The following TMPRSS15 variants were observed in gnomAD, a reference collection of about 807,000 sequenced individuals.
TMPRSS15 encodes enteropeptidase.
In TMPRSS15, 128 loss-of-function variants were observed where a neutral mutation model predicts 125.3. That is an observed-to-expected ratio of 1.02 (90% CI 0.89 to 1.18). The LOEUF (loss-of-function observed/expected upper bound fraction) is 1.18, where lower values mean the gene tolerates loss of function less well. TMPRSS15 is among the 50% of genes most tolerant of loss of function. The pLI is 0.00. For missense variants in TMPRSS15, 1,283 were observed against 1,212.7 expected (o/e 1.06, Z -0.86); for synonymous variants, 446 against 423.2 (o/e 1.05, Z -0.66).
chr21:18,359,577 A>G (rs369233284), intron 8 of TMPRSS15, among the ~76,000 whole-genome samples, 180 bp downstream of exon 8: 11 of 152,144 alleles, frequency 7.2e-5, no homozygotes, highest in African/African-American at 2.6e-4. Flanking sequence ...CTGCTTTATT[A>G]TGAAGACCAC....
chr21:18,454,355 C>T (rs992251976), intron 1 of TMPRSS15, among the ~76,000 whole-genome samples: 17 of 151,908 alleles, frequency 1.1e-4, no homozygotes, highest in South Asian at 6.2e-4. Flanking sequence ...TCTTTTGCCC[C>T]GAAGCCATTT....
intron 18 of TMPRSS15, among the ~76,000 whole-genome samples, chr21:18,300,406 A>G (rs1406439661): frequency 2.1e-5 from 3 of 145,512 alleles, no homozygotes; most frequent in African/African-American, 7.7e-5. Flanking sequence ...CAGTGGCTCA[A>G]TCTCGACTCA....
chr21:18,380,429 A>G, intron 4 of TMPRSS15: 1 of 400,704 alleles, frequency 2.5e-6, no homozygotes, highest in East Asian at 7.5e-5. Flanking sequence ...ACAACTTGAT[A>G]TGAAGACTGA....
rs1979052538 is a variant in TMPRSS15 at position 18,485,005 on chromosome 21, ATTGTT to A, written c.10+789_10+793del. Among the ~76,000 whole-genome samples, 3 of 151,858 alleles carry A rather than the reference ATTGTT, an allele frequency of 2.0e-5. No homozygotes were observed. In the South Asian group the frequency reaches 6.2e-4, roughly 31 times the overall value. ...TAGAACTGTCACCTTTCTGATACTG[ATTGTT>A]TTAATTCATTGAGTTAAGTCCTTTA... On this transcript the variant is annotated intron_variant, in intron 1 of 7. Coordinates refer to the TMPRSS15 transcript ENST00000422787.
intron 22 of TMPRSS15, 75 bp from the exon 23 acceptor site, chr21:18,279,134 GT>G: frequency 2.5e-6 from 2 of 813,858 alleles, no homozygotes; most frequent in Non-Finnish European, 2.0e-6. Flanking sequence ...TTTCTAACAA[GT>G]TTTAAAAATC....
chr21:18,462,105 G>GC (rs1323594000), intron 1 of TMPRSS15, among the ~76,000 whole-genome samples: 1 of 152,094 alleles, frequency 6.6e-6, no homozygotes, highest in African/African-American at 2.4e-5. Context: ...TTACTGCACA[G>GC]CATTGGTAAC....
At chr21:18,360,723 C>A (rs1431660840) in intron 7 of TMPRSS15, among the ~76,000 whole-genome samples, 1 of 151,876 alleles carries the variant, frequency 6.6e-6, no homozygotes, top group Admixed American at 6.6e-5. Flanking sequence ...GTGTGAGACC[C>A]CAGGTTTGTT....
At chr21:18,295,794 C>T (rs1049290495) in intron 19 of TMPRSS15, among the ~76,000 whole-genome samples, 3 of 152,102 alleles carry the variant, frequency 2.0e-5, no homozygotes, top group South Asian at 2.1e-4. Context: ...CAATTAACTC[C>T]CCTTTTTTTC....
At chr21:18,364,489 C>G (rs752136004) in intron 7 of TMPRSS15, among the ~76,000 whole-genome samples, 4 of 152,006 alleles carry the variant, frequency 2.6e-5, no homozygotes, top group Non-Finnish European at 4.4e-5. Flanking sequence ...AGTACAAATT[C>G]TTTTTATCCT....
chr21:18,405,393 A>G (rs952960510), upstream of TMPRSS15, among the ~76,000 whole-genome samples: 1 of 152,182 alleles, frequency 6.6e-6, no homozygotes, highest in Admixed American at 6.5e-5. Context: ...TTTATGGAGG[A>G]CAGACTGAAA....
chr21:18,374,317 C>CA (rs1423701352), intron 5 of TMPRSS15, among the ~76,000 whole-genome samples: 3 of 149,334 alleles, frequency 2.0e-5, no homozygotes, highest in East Asian at 2.0e-4. Flanking sequence ...ACTAAAAATA[C>CA]AAAAAATTAG....
chr21:18,353,020 C>T lies in TMPRSS15; in HGVS notation c.1054G>A (p.Gly352Ser), dbSNP rs2075586582. 2 of 1,610,878 alleles carry T rather than the reference C, an allele frequency of 1.2e-6. No homozygotes were observed. Among genetic ancestry groups the T allele is most frequent in the African/African-American group, 1.3e-5 (1 of 74,794 alleles). ...YEKINCNFED[G>S]FCFWVQDLND... is the part of the protein sequence containing the mutation. Reference sequence around the variant, plus strand: ...AGATCCTGGACCCAGAAACAAAAGCCATCCTCAAAGTTACAATTAATTTTC... The same window carrying T: ...AGATCCTGGACCCAGAAACAAAAGCTATCCTCAAAGTTACAATTAATTTTC... The change falls in exon 10 of 25, where the codon GGC becomes AGC. Residue 352 changes from glycine to serine, a missense_variant. By Grantham distance (56) the Gly-to-Ser change is moderately conservative. Coordinates refer to ENST00000284885, the MANE Select transcript of TMPRSS15 (RefSeq NM_002772.3).
chr21:18,286,939 A>G (rs2074771809), intron 21 of TMPRSS15, among the ~76,000 whole-genome samples: 2 of 152,168 alleles, frequency 1.3e-5, no homozygotes, highest in Admixed American at 1.3e-4. Flanking sequence ...GTTACCTTCA[A>G]AGAAATTTGT....
At chr21:18,461,504 G>A (rs1226257900) in intron 1 of TMPRSS15, among the ~76,000 whole-genome samples, 1 of 152,000 alleles carries the variant, frequency 6.6e-6, no homozygotes, top group Non-Finnish European at 1.5e-5. Flanking sequence ...TATGAATCTT[G>A]TAGCATGAAT....
At chr21:18,448,060 C>T (rs756260028) in intron 1 of TMPRSS15, among the ~76,000 whole-genome samples, 10 of 152,040 alleles carry the variant, frequency 6.6e-5, no homozygotes, top group Non-Finnish European at 1.5e-4. Context: ...TATAAAGGTT[C>T]TTCAAAAAAT....
intron 16 of TMPRSS15, among the ~76,000 whole-genome samples, chr21:18,324,100 A>G (rs967124260): frequency 2.6e-5 from 4 of 151,760 alleles, no homozygotes; most frequent in Admixed American, 6.6e-5. Flanking sequence ...TTTTTTTTTT[A>G]TTGAACACAC....
rs978424 is a variant in TMPRSS15, at chr21:18,470,480, C to G, written c.10+15319G>C. On this transcript the variant is annotated intron_variant, in intron 1 of 7. Coordinates refer to the TMPRSS15 transcript ENST00000422787. The stretch of plus-strand genomic sequence containing the variant: ...TACCCCAACCGAAAATAAATGAATT[C>G]TAAGCAAATGCTGAGTTATTTCTCC... Among the ~76,000 whole-genome samples, 32 of 151,894 alleles carry G rather than the reference C, an allele frequency of 2.1e-4. 1 individual carries two copies. In the East Asian group the frequency reaches 5.4e-3, roughly 26 times the overall value.
chr21:18,401,509 G>A lies in TMPRSS15; in HGVS notation c.145+1969C>T, dbSNP rs9984448. On this transcript the variant is annotated intron_variant, in intron 1 of 24. Coordinates refer to ENST00000284885, the MANE Select transcript of TMPRSS15 (RefSeq NM_002772.3). ...AAAAACAAATACCACATGTTCTCAA[G>A]CATAAGTGGGAGCTAAACAGCAGGC... Among the ~76,000 whole-genome samples the A allele has an allele frequency of 3.1e-3, 477 of 152,208 alleles. 5 individuals are homozygous for A. Among genetic ancestry groups the A allele is most frequent in the African/African-American group, 0.011 (464 of 41,532 alleles).
At chr21:18,283,478 C>T (rs555300044) in intron 21 of TMPRSS15, among the ~76,000 whole-genome samples, 77 of 151,932 alleles carry the variant, frequency 5.1e-4, no homozygotes, top group Non-Finnish European at 9.1e-4. Flanking sequence ...TTTATTTATA[C>T]ATCATATTCT....
Sources: allele counts gnomAD v4.1 joint callset (sites outside exome capture counted in the v4.1 genomes callset), GRCh38; gene constraint gnomAD v4.1.1; transcripts MANE v1.5; gene names NCBI Gene and HGNC (gene_info 2026-07-23, HGNC 2026-07-21).